The following FYCO1 variants were observed in gnomAD, a reference collection of about 807,000 sequenced individuals.
FYCO1 encodes FYVE and coiled-coil domain autophagy adaptor 1.
In FYCO1, 122 loss-of-function variants were observed where a neutral mutation model predicts 165.1. That is an observed-to-expected ratio of 0.74 (90% confidence interval 0.64 to 0.86). FYCO1 has a LOEUF of 0.86. FYCO1 is among the 40% of genes least tolerant of loss of function. FYCO1 has a pLI of 0.00. For missense variants in FYCO1, 1,702 were observed against 1,810.3 expected (o/e 0.94, Z 1.09); for synonymous variants, 648 against 742.5 (o/e 0.87, Z 2.07).
At chr3:45,930,396 T>C (rs1195068554) in intron 16 of FYCO1, among the ~76,000 whole-genome samples, 1 of 152,142 alleles carries the variant, frequency 6.6e-6, no homozygotes, top group Non-Finnish European at 1.5e-5. Flanking sequence ...GTGGTCTGGA[T>C]TCCACCTCAT....
intron 14 of FYCO1, among the ~76,000 whole-genome samples, chr3:45,954,225 T>G (rs1438853055): frequency 1.3e-5 from 2 of 148,350 alleles, no homozygotes; most frequent in South Asian, 2.3e-4. Flanking sequence ...TTGGGGGGGG[T>G]AAGGCGATTT....
chr3:45,990,948 T>A (rs1052700202), intron 1 of FYCO1, among the ~76,000 whole-genome samples: 8 of 151,898 alleles, frequency 5.3e-5, no homozygotes, highest in African/African-American at 1.7e-4. Context: ...ATTTTTTTTT[T>A]AAATGTATTT....
intron 15 of FYCO1, among the ~76,000 whole-genome samples, chr3:45,936,208 G>A (rs1703878570): frequency 6.6e-6 from 1 of 152,102 alleles, no homozygotes; most frequent in Non-Finnish European, 1.5e-5. Context: ...CTAGGGTGAG[G>A]GAACTGTTCT....
chr3:45,933,719 C>T lies in FYCO1; in HGVS notation c.4041-2438G>A, dbSNP rs147961115. On this transcript the variant is annotated intron_variant, in intron 15 of 17. Coordinates refer to ENST00000296137, the MANE Select transcript of FYCO1 (RefSeq NM_024513.4). ...CAGCTTAGCGTCTCTGAGCCCCCCA[C>T]CTACACATAATAAAAAACCACTCGT... is the stretch of plus-strand genomic sequence containing the variant. Among the ~76,000 whole-genome samples the T allele has an allele frequency of 4.6e-5, 7 of 152,182 alleles. No homozygotes were observed. In the East Asian group the frequency reaches 1.4e-3, roughly 29 times the overall value.
At position 45,968,406 on chromosome 3, in the gene FYCO1, TCTGGGTGGC is replaced by T; in HGVS notation, c.919_927del (p.Ala307_Gln309del). The T allele has an allele frequency of 6.2e-7, 1 of 1,613,848 alleles. No individual in the cohort carries two copies. The highest frequency in any genetic ancestry group is 8.5e-7 in the Non-Finnish European group (1 of 1,179,962). ...CATGTCTGCAGCTCCTTCACAGTGT[TCTGGGTGGC>T]CTGGGTGACCTCCCACTGCTTCTGG... is the stretch of plus-strand genomic sequence containing the variant. On this transcript the variant is annotated inframe_deletion, in exon 8 of 18. Transcript: ENST00000296137.
At chr3:45,942,010 T>A (rs1210798966) in intron 14 of FYCO1, among the ~76,000 whole-genome samples, 1 of 152,286 alleles carries the variant, frequency 6.6e-6, no homozygotes, top group Non-Finnish European at 1.5e-5. Context: ...TACATCCATC[T>A]GTCCATCGGT....
At chr3:45,930,986 T>C in intron 16 of FYCO1, 85 bp downstream of exon 16, 1 of 1,236,746 alleles carries the variant, frequency 8.1e-7, no homozygotes, top group South Asian at 1.3e-5. Flanking sequence ...GAGGATAGGA[T>C]GGCCACTGCC....
At chr3:45,983,629 T>C (rs1321673358) in intron 2 of FYCO1, among the ~76,000 whole-genome samples, 5 of 152,178 alleles carry the variant, frequency 3.3e-5, no homozygotes, top group African/African-American at 9.7e-5. Flanking sequence ...AAGAACCAGA[T>C]ATTGAAACAC....
At chr3:45,980,425 G>T (rs1271024387) in intron 3 of FYCO1, among the ~76,000 whole-genome samples, 1 of 152,058 alleles carries the variant, frequency 6.6e-6, no homozygotes, top group African/African-American at 2.4e-5. Context: ...TCGACTTAGG[G>T]AAATAAGATA....
In FYCO1 at chr3:45,968,644, C is replaced by T. The variant is rs1451678051; in HGVS notation, c.690G>A (p.Glu230=). 1 of 1,614,208 alleles carries T rather than the reference C, an allele frequency of 6.2e-7. No homozygotes were observed. Among genetic ancestry groups the T allele is most frequent in the South Asian group, 1.1e-5 (1 of 91,084 alleles). The change falls in exon 8 of 18, where the codon GAG becomes GAA. Residue 230 remains glutamate, a synonymous_variant. Coordinates refer to ENST00000296137, the MANE Select transcript of FYCO1 (RefSeq NM_024513.4). The stretch of plus-strand genomic sequence containing the variant: ...GCTCTAGTCGCATCTCATCAAAGCC[C>T]TCCAATGCCTCGTTGTTTAGGGGGC... ...LNSPLNNEAL[E]GFDEMRLELD...
At chr3:45,948,995 A>G (rs971129060) in intron 14 of FYCO1, among the ~76,000 whole-genome samples, 37 of 152,186 alleles carry the variant, frequency 2.4e-4, no homozygotes, top group African/African-American at 8.9e-4. Context: ...ACTAGTTATT[A>G]TTTCTTACAA....
At chr3:45,931,936 C>T (rs893213226) in intron 15 of FYCO1, among the ~76,000 whole-genome samples, 2 of 152,202 alleles carry the variant, frequency 1.3e-5, no homozygotes, top group Non-Finnish European at 2.9e-5. Flanking sequence ...AAAGCTTCTT[C>T]AAGAAGTTTA....
At position 45,966,898 on chromosome 3, in the gene FYCO1, C is replaced by T. The variant is rs747172744; in HGVS notation, c.2436G>A (p.Gln812=). Residue 812 remains glutamine (Q), a synonymous_variant, in exon 8 of 18, where the codon CAG becomes CAA. Transcript: ENST00000296137. The part of the protein sequence containing the change: ...ALDDQDKVQS[Q]LSMAEAVLRE... The stretch of plus-strand genomic sequence containing the variant: ...TCAGGACGGCCTCAGCCATGCTTAG[C>T]TGGCTCTGCACCTTGTCCTGGTCAT... The T allele has an allele frequency of 6.2e-7, 1 of 1,613,682 alleles. No individual in the cohort carries two copies. The highest frequency in any genetic ancestry group is 1.1e-5 in the South Asian group (1 of 91,088).
rs1426588688 is a variant in FYCO1, at chr3:45,966,472, C to T, written c.2862G>A (p.Leu954=). The T allele has an allele frequency of 6.2e-7, 1 of 1,610,338 alleles. No individual in the cohort carries two copies. Among genetic ancestry groups the T allele is most frequent in the Non-Finnish European group, 8.5e-7 (1 of 1,176,978 alleles). Reference sequence around the variant, plus strand: ...CCTGCAAGCTCTCCTTCTCTTGCTGCAGCCCAGCTACTTGGCGCTCCAGGC... The same window carrying T: ...CCTGCAAGCTCTCCTTCTCTTGCTGTAGCCCAGCTACTTGGCGCTCCAGGC... ...REGLERQVAG[L]QQEKESLQEK... Residue 954 remains leucine (L), a synonymous_variant, in exon 8 of 18, where the codon CTG becomes CTA. Transcript: ENST00000296137.
intron 1 of FYCO1, among the ~76,000 whole-genome samples, chr3:45,986,012 C>T (rs896839724): frequency 3.3e-5 from 5 of 152,226 alleles, no homozygotes; most frequent in African/African-American, 4.8e-5. Context: ...GGCTCTGTTA[C>T]GTGCTTTACA....
chr3:45,967,404 C>A lies in FYCO1; in HGVS notation c.1930G>T (p.Ala644Ser), dbSNP rs1262004043. ...LLEGKLQALQ[A>S]DYQALQQRES... ...CGCTGCTGCAAAGCCTGGTAATCGG[C>A]CTGCAGGGCTTGCAGCTTGCCCTCC... is the stretch of plus-strand genomic sequence containing the variant. Residue 644 changes from alanine to serine, a missense_variant, in exon 8 of 18, where the codon GCC becomes TCC. Ala to Ser is a moderately conservative substitution (Grantham distance 99, BLOSUM62 1). Coordinates refer to ENST00000296137, the MANE Select transcript of FYCO1 (RefSeq NM_024513.4). 6.2e-7 allele frequency: 1 copy of A among 1,612,822 alleles called. No homozygotes were observed. Among genetic ancestry groups the A allele is most frequent in the Non-Finnish European group, 8.5e-7 (1 of 1,179,482 alleles).
intron 14 of FYCO1, among the ~76,000 whole-genome samples, chr3:45,950,244 G>A (rs1473515064): frequency 6.6e-6 from 1 of 152,064 alleles, no homozygotes; most frequent in Non-Finnish European, 1.5e-5. Context: ...TGTGGCCTCA[G>A]GGTTGGAGGG....
At chr3:45,966,186 C>G (rs1705999750) in intron 8 of FYCO1, 91 bp downstream of exon 8, 1 of 1,378,790 alleles carries the variant, frequency 7.3e-7, no homozygotes, top group African/African-American at 1.4e-5. Flanking sequence ...CAGCCCTCAC[C>G]TGCCTCATGG....
chr3:45,975,265 C>T lies in FYCO1; in HGVS notation c.369G>A (p.Gln123=). Residue 123 remains glutamine (Q), a synonymous_variant, in exon 5 of 18, where the codon CAG becomes CAA. Transcript: ENST00000296137. The part of the protein sequence containing the change: ...VHQRLADTLQ[Q]CFMNTKVTSD... ...TGGTCACTTTGGTGTTCATGAAGCACTGCTGTAAGGTGTCTGCCAACCTCT... is the reference window on the plus strand; with the variant it reads ...TGGTCACTTTGGTGTTCATGAAGCATTGCTGTAAGGTGTCTGCCAACCTCT... 6.2e-7 allele frequency: 1 copy of T among 1,613,706 alleles called. No homozygotes were observed. The highest frequency in any genetic ancestry group is 1.3e-5 in the African/African-American group (1 of 75,034).
Sources: gnomAD v4.1 joint callset for allele counts (sites outside exome capture counted in the v4.1 genomes callset) on GRCh38, gnomAD v4.1.1 for gene constraint, MANE v1.5 for transcripts, NCBI Gene and HGNC (gene_info 2026-07-23, HGNC 2026-07-21) for gene names.